ANKS1B: variants seen among roughly 807,000 people sequenced by gnomAD.
The protein encoded by ANKS1B is ankyrin repeat and sterile alpha motif domain-containing protein 1B.
Under a neutral mutation model 148.3 loss-of-function variants are expected in ANKS1B, and 36 were observed. That is an observed-to-expected ratio of 0.24 (90% CI 0.19 to 0.32). The LOEUF (loss-of-function observed/expected upper bound fraction) is 0.32, where lower values mean the gene tolerates loss of function less well. ANKS1B is among the 10% of genes least tolerant of loss of function. The pLI is 1.00. For synonymous variants in ANKS1B, 542 were observed against 560.8 expected (o/e 0.97, Z 0.47); for missense variants, 1,157 against 1,542.6 (o/e 0.75, Z 4.19).
chr12:99,472,069 T>C (rs576282634), intron 10 of ANKS1B, among the ~76,000 whole-genome samples: 9 of 152,276 alleles, frequency 5.9e-5, no homozygotes, highest in African/African-American at 1.9e-4. Flanking sequence ...ATCCTGTTAA[T>C]TTAACTAATT....
intron 11 of ANKS1B, among the ~76,000 whole-genome samples, chr12:99,417,626 T>A (rs1441812560): frequency 6.6e-6 from 1 of 152,090 alleles, no homozygotes. Flanking sequence ...AATCTAAATA[T>A]CAATTTGGAA....
At chr12:99,568,628 A>C (rs907597898) in intron 9 of ANKS1B, among the ~76,000 whole-genome samples, 1 of 152,216 alleles carries the variant, frequency 6.6e-6, no homozygotes, top group African/African-American at 2.4e-5. Context: ...TATTTCTATA[A>C]ATTCTTATAT....
chr12:99,490,605 T>A lies in ANKS1B; in HGVS notation c.1438+13871A>T, dbSNP rs184308826. 9.2e-5 allele frequency among the ~76,000 whole-genome samples: 14 copies of A among 152,364 alleles called. No individual in the cohort carries two copies. In the East Asian group the frequency reaches 2.5e-3, roughly 27 times the overall value. On this transcript the variant is annotated intron_variant, in intron 10 of 26. Transcript: ENST00000683438. ...GCCTCTGAAAGGCCAATTGAAGAAC[T>A]ATTATGAGCTTCTTGAATTTGTGTG...
chr12:99,904,197 T>C (rs1272387319), intron 1 of ANKS1B, among the ~76,000 whole-genome samples: 1 of 26,992 alleles, frequency 3.7e-5, no homozygotes, highest in Non-Finnish European at 1.1e-4. Flanking sequence ...TAATAATTCT[T>C]TTTTTTTTTT....
intron 1 of ANKS1B, among the ~76,000 whole-genome samples, chr12:99,863,711 T>C (rs1448949488): frequency 6.8e-6 from 1 of 146,248 alleles, no homozygotes; most frequent in African/African-American, 2.5e-5. Context: ...CAAGACACCG[T>C]CTCAAAAAAA....
At chr12:98,995,564 T>C (rs2099929041) in intron 17 of ANKS1B, among the ~76,000 whole-genome samples, 1 of 152,200 alleles carries the variant, frequency 6.6e-6, no homozygotes, top group African/African-American at 2.4e-5. Context: ...AACTTTTGAT[T>C]AGCAGGCCAG....
At chr12:99,741,707 G>A (rs2060130719) in intron 8 of ANKS1B, among the ~76,000 whole-genome samples, 1 of 152,092 alleles carries the variant, frequency 6.6e-6, no homozygotes, top group South Asian at 2.1e-4. Flanking sequence ...AGAACATATG[G>A]ACACAGGGAG....
intron 1 of ANKS1B, among the ~76,000 whole-genome samples, chr12:99,830,153 C>A (rs1429592397): frequency 6.6e-6 from 1 of 152,110 alleles, no homozygotes; most frequent in Non-Finnish European, 1.5e-5. Flanking sequence ...CAAGAAAATA[C>A]AAGTCCAAGA....
At position 99,871,666 on chromosome 12, in the gene ANKS1B, T is replaced by A. The variant is rs531944464; in HGVS notation, c.135-46277A>T. ...TATTCCTAGGTATTTTGTTTTTGTG[T>A]GTGTAGCTATTGTAAGTGAAATTGT... On this transcript the variant is annotated intron_variant, in intron 1 of 26. Transcript: ENST00000683438. 3.3e-5 allele frequency among the ~76,000 whole-genome samples: 5 copies of A among 152,234 alleles called. No homozygotes were observed. The East Asian group carries it at 7.7e-4, about 23-fold the overall frequency.
chr12:99,046,972 C>T (rs2099962888), intron 17 of ANKS1B, among the ~76,000 whole-genome samples: 1 of 151,630 alleles, frequency 6.6e-6, no homozygotes, highest in South Asian at 2.1e-4. Context: ...AGAAACAATC[C>T]AAATGTGTCA....
intron 8 of ANKS1B, among the ~76,000 whole-genome samples, chr12:99,742,653 T>C (rs12579234): frequency 0.18 from 27,439 of 151,428 alleles, 2,990 homozygotes; most frequent in East Asian, 0.5. Context: ...ACCAACACGG[T>C]GAAACCCCGT....
Position 98,801,022 on chromosome 12 carries a change from A to C in ANKS1B, c.3245T>G (p.Phe1082Cys). 6.2e-7 allele frequency: 1 copy of C among 1,612,634 alleles called. No individual in the cohort carries two copies. Among genetic ancestry groups the C allele is most frequent in the Non-Finnish European group, 8.5e-7 (1 of 1,179,302 alleles). Reference sequence around the variant, plus strand: ...AAAAGCTTTGTAATCACACGACTGGAAGATAAGCTTTTCTGGGTGATGCTG... The same window carrying C: ...AAAAGCTTTGTAATCACACGACTGGCAGATAAGCTTTTCTGGGTGATGCTG... ...YWQHHPEKLI[F>C]QSCDYKAFYL... is the part of the protein sequence containing the mutation. The change falls in exon 21 of 27, where the codon TTC (phenylalanine) becomes TGC (cysteine). Residue 1082 changes from phenylalanine to cysteine, a missense_variant. Physicochemically the swap from Phe to Cys is radical, Grantham distance 205. This residue lies in a region of ANKS1B where 258 missense variants were observed against 497.0 expected (regional missense o/e 0.52). Coordinates refer to ENST00000683438, the MANE Select transcript of ANKS1B (RefSeq NM_001352186.2). This position sits in a 1 kb window ranked among gnomAD's most constrained non-coding sequence, Gnocchi z 5.2.
At chr12:99,489,311 T>C (rs2096533380) in intron 10 of ANKS1B, among the ~76,000 whole-genome samples, 1 of 151,550 alleles carries the variant, frequency 6.6e-6, no homozygotes. Context: ...ATAAAAACTA[T>C]GCACAGCAAA....
intron 22 of ANKS1B, among the ~76,000 whole-genome samples, chr12:98,788,897 T>C (rs2098821990): frequency 6.6e-6 from 1 of 152,224 alleles, no homozygotes; most frequent in Non-Finnish European, 1.5e-5. Flanking sequence ...CAAAAATCCT[T>C]AGTTAGCATT....
chr12:99,461,315 T>C (rs77602652), intron 10 of ANKS1B, among the ~76,000 whole-genome samples: 5,844 of 151,936 alleles, frequency 0.038, 400 homozygotes, highest in African/African-American at 0.14. Flanking sequence ...AGTCTACACA[T>C]TGGGTACAGT....
chr12:99,665,516 T>G (rs1019364228), intron 8 of ANKS1B, among the ~76,000 whole-genome samples: 1 of 151,802 alleles, frequency 6.6e-6, no homozygotes, highest in African/African-American at 2.4e-5. Context: ...GGAGTATCAC[T>G]CTGTTGCCCA....
At chr12:99,486,355 T>C (rs1345050760) in intron 10 of ANKS1B, among the ~76,000 whole-genome samples, 1 of 152,158 alleles carries the variant, frequency 6.6e-6, no homozygotes, top group Non-Finnish European at 1.5e-5. Context: ...ATGCTGGTTA[T>C]ATTAAGAACG....
At chr12:98,867,860 C>CAA (rs201913809) in intron 17 of ANKS1B, among the ~76,000 whole-genome samples, 2 of 117,236 alleles carry the variant, frequency 1.7e-5, no homozygotes, top group Non-Finnish European at 3.7e-5. Context: ...GACTCCATCT[C>CAA]AAAAAAAAAA....
chr12:99,526,420 T>C (rs2096927145), intron 9 of ANKS1B, among the ~76,000 whole-genome samples: 1 of 152,208 alleles, frequency 6.6e-6, no homozygotes, highest in Non-Finnish European at 1.5e-5. Flanking sequence ...AGGCATTGCA[T>C]AATTATTACT....
Sources: gnomAD v4.1 joint callset for allele counts (sites outside exome capture counted in the v4.1 genomes callset) on GRCh38, gnomAD v4.1.1 for gene constraint, gnomAD v4.1.1 regional missense constraint, Gnocchi (gnomAD v3.1) non-coding constraint, MANE v1.5 for transcripts, NCBI Gene and HGNC (gene_info 2026-07-23, HGNC 2026-07-21) for gene names.